IQGAP1: variants seen among roughly 807,000 people sequenced by gnomAD.
IQGAP1 encodes IQ motif containing GTPase activating protein 1, also known as ras GTPase-activating-like protein IQGAP1.
In IQGAP1, 66 loss-of-function variants were observed where a neutral mutation model predicts 215.6. The observed-to-expected ratio is 0.31, with a 90% CI of 0.25 to 0.38. The LOEUF is 0.38. Ranked by LOEUF, IQGAP1 falls within the 10% of genes least tolerant of loss-of-function variation. IQGAP1 has a pLI of 1.00. For synonymous variants in IQGAP1, 772 were observed against 728.7 expected (o/e 1.06, Z -0.96); for missense variants, 1,712 against 1,997.1 (o/e 0.86, Z 2.72).
intron 2 of IQGAP1, among the ~76,000 whole-genome samples, chr15:90,413,547 A>C (rs545121656): frequency 6.6e-6 from 1 of 152,334 alleles, no homozygotes; most frequent in South Asian, 2.1e-4. Context: ...TTTTAGACGT[A>C]ATGTCAGCAA....
In IQGAP1 at chr15:90,482,026, C is replaced by T. The variant is rs200718401; in HGVS notation, c.3396C>T (p.Asp1132=). ...ATGAAGAAGTGAAGACACGGCTAGACAGCTCCATCAGGAACATGCGGGCTG... is the reference window on the plus strand; with the variant it reads ...ATGAAGAAGTGAAGACACGGCTAGATAGCTCCATCAGGAACATGCGGGCTG... ...LAHEEVKTRL[D]SSIRNMRAVT... The change falls in exon 27 of 38, where the codon GAC becomes GAT. Residue 1132 remains aspartate (D), a synonymous_variant. Coordinates refer to ENST00000268182, the MANE Select transcript of IQGAP1 (RefSeq NM_003870.4). The T allele has an allele frequency of 3.2e-4, 524 of 1,614,132 alleles. 1 individual carries two copies. Among genetic ancestry groups the T allele is most frequent in the Admixed American group, 2.3e-4 (14 of 60,008 alleles).
intron 17 of IQGAP1, 77 bp from the exon 18 acceptor site, chr15:90,467,373 A>G: frequency 7.0e-7 from 1 of 1,427,492 alleles, no homozygotes; most frequent in South Asian, 1.4e-5. Context: ...AGACTAACTA[A>G]TAATCCTGCA....
At chr15:90,469,539 T>C (rs1001029165) in intron 18 of IQGAP1, among the ~76,000 whole-genome samples, 1 of 152,182 alleles carries the variant, frequency 6.6e-6, no homozygotes, top group African/African-American at 2.4e-5. Context: ...TTCTGGGCAT[T>C]GAGAAGACAG....
At chr15:90,466,458 AT>A in intron 17 of IQGAP1, 22 bp downstream of exon 17, 2 of 1,612,714 alleles carry the variant, frequency 1.2e-6, no homozygotes, top group South Asian at 2.2e-5. Flanking sequence ...GATAATACAT[AT>A]GTGCCCTGAA....
chr15:90,459,255 C>A (rs1965729130), intron 15 of IQGAP1, among the ~76,000 whole-genome samples: 1 of 152,168 alleles, frequency 6.6e-6, no homozygotes, highest in Non-Finnish European at 1.5e-5. Flanking sequence ...CTACTACATA[C>A]AAGGCAACTT....
At chr15:90,467,370 CTAA>C (rs879740464) in intron 17 of IQGAP1, 77 bp from the exon 18 acceptor site, 1 of 1,406,428 alleles carries the variant, frequency 7.1e-7, no homozygotes, top group Non-Finnish European at 9.6e-7. Context: ...GTGAGACTAA[CTAA>C]TAATCCTGCA....
At chr15:90,398,072 AC>A (rs1964752888) in intron 2 of IQGAP1, among the ~76,000 whole-genome samples, 1 of 150,006 alleles carries the variant, frequency 6.7e-6, no homozygotes, top group Non-Finnish European at 1.5e-5. Context: ...TTTAGTGGAG[AC>A]GGGGGTTTCA....
chr15:90,481,104 C>G (rs1024932309), intron 26 of IQGAP1, among the ~76,000 whole-genome samples: 2 of 152,056 alleles, frequency 1.3e-5, no homozygotes, highest in African/African-American at 4.8e-5. Flanking sequence ...GCTGGAAGAG[C>G]CACGCTCCCT....
intron 2 of IQGAP1, among the ~76,000 whole-genome samples, chr15:90,408,307 T>C (rs1964909180): frequency 6.6e-6 from 1 of 152,050 alleles, no homozygotes; most frequent in South Asian, 2.1e-4. Context: ...TTGGGGTAAT[T>C]TTCTGTTTTG....
intron 2 of IQGAP1, among the ~76,000 whole-genome samples, chr15:90,412,929 T>C (rs1430262213): frequency 6.6e-6 from 1 of 152,308 alleles, no homozygotes; most frequent in South Asian, 2.1e-4. Flanking sequence ...ACTGAAGTCA[T>C]GTGCTCTGCA....
intron 32 of IQGAP1, 64 bp from the exon 33 acceptor site, chr15:90,487,428 GCTT>G (rs1751680663): frequency 2.7e-6 from 3 of 1,100,798 alleles, no homozygotes; most frequent in Non-Finnish European, 4.1e-6. Context: ...TGCTGCTGCT[GCTT>G]CGGTCCACTT....
chr15:90,455,644 G>GTTCC (rs923965159), intron 14 of IQGAP1, among the ~76,000 whole-genome samples: 4 of 152,228 alleles, frequency 2.6e-5, no homozygotes, highest in Non-Finnish European at 4.4e-5. Context: ...TTGGTGGGAA[G>GTTCC]AGCCTTGCTT....
At chr15:90,488,038 C>T (rs1012370214) in intron 33 of IQGAP1, among the ~76,000 whole-genome samples, 1 of 151,788 alleles carries the variant, frequency 6.6e-6, no homozygotes, top group Non-Finnish European at 1.5e-5. Context: ...CTGGCTAACA[C>T]GTGAAACCCC....
Position 90,491,375 on chromosome 15 carries a change from G to A in IQGAP1, c.4291G>A (p.Asp1431Asn). Residue 1431 changes from aspartate (D) to asparagine (N), a missense_variant, in exon 34 of 38, where the codon GAT becomes AAT. Coordinates refer to ENST00000268182, the MANE Select transcript of IQGAP1 (RefSeq NM_003870.4). ...AGCCATGCAGAGACGTGCTATCCGT[G>A]ATGCCAAAACACCTGACAAGATGAA... ...QRAMQRRAIR[D>N]AKTPDKMKKS... is the part of the protein sequence containing the mutation. 5 of 1,614,122 alleles carry A rather than the reference G, an allele frequency of 3.1e-6. No individual in the cohort carries two copies. Among genetic ancestry groups the A allele is most frequent in the Non-Finnish European group, 4.2e-6 (5 of 1,180,042 alleles).
At chr15:90,457,913 G>A (rs538233153) in intron 15 of IQGAP1, among the ~76,000 whole-genome samples, 5 of 152,292 alleles carry the variant, frequency 3.3e-5, no homozygotes, top group South Asian at 2.1e-4. Flanking sequence ...CGTAATTCAC[G>A]TATCAGGTAA....
At chr15:90,489,148 T>C (rs532704608) in intron 33 of IQGAP1, among the ~76,000 whole-genome samples, 2 of 148,746 alleles carry the variant, frequency 1.3e-5, no homozygotes, top group Non-Finnish European at 3.0e-5. Flanking sequence ...TTTTTTAATT[T>C]GAGACAGAGT....
At chr15:90,394,586 C>G (rs574709194) in intron 2 of IQGAP1, among the ~76,000 whole-genome samples, 105 of 152,254 alleles carry the variant, frequency 6.9e-4, no homozygotes, top group Middle Eastern at 3.4e-3. Context: ...CGGCCTGTAT[C>G]TTGTGTGTTC....
At chr15:90,402,121 C>T (rs749699740) in intron 2 of IQGAP1, among the ~76,000 whole-genome samples, 1 of 152,202 alleles carries the variant, frequency 6.6e-6, no homozygotes, top group African/African-American at 2.4e-5. Flanking sequence ...CAATTTCCTG[C>T]CACTTATTTT....
chr15:90,443,339 G>A lies in IQGAP1; in HGVS notation c.829-55G>A, dbSNP rs565588118. The A allele has an allele frequency of 7.3e-5, 78 of 1,065,660 alleles. No homozygotes were observed. The African/African-American group carries it at 1.0e-3, about 14-fold the overall frequency. 66.0% of individuals were successfully genotyped at this position (1,065,660 alleles called of 1,614,324 possible). ...GCAGGAGGAGCACACGTGTATTTAT[G>A]TGGTCTTCTTAGACACCTTAAGCTA... On this transcript the variant is annotated intron_variant, in intron 8 of 37. Transcript: ENST00000268182.
Sources: allele counts gnomAD v4.1 joint callset (sites outside exome capture counted in the v4.1 genomes callset), GRCh38; gene constraint gnomAD v4.1.1; transcripts MANE v1.5; gene names NCBI Gene and HGNC (gene_info 2026-07-23, HGNC 2026-07-21).